The following TJP1 variants were observed in gnomAD, a reference collection of about 807,000 sequenced individuals.
TJP1 encodes tight junction protein 1, also known as tight junction protein ZO-1.
In TJP1, 43 loss-of-function variants were observed where a neutral mutation model predicts 194.2. The observed-to-expected ratio is 0.22, with a 90% CI of 0.17 to 0.29. The LOEUF (loss-of-function observed/expected upper bound fraction) is 0.29. Ranked by LOEUF, TJP1 falls within the 10% of genes least tolerant of loss-of-function variation. TJP1 has a pLI of 1.00. For synonymous variants in TJP1, 801 were observed against 779.0 expected, an observed-to-expected ratio of 1.03 and a Z score of -0.47; for missense variants, 1,971 against 2,185.7, an observed-to-expected ratio of 0.90 and a Z score of 1.96.
intron 2 of TJP1, among the ~76,000 whole-genome samples, chr15:29,868,149 A>T (rs1446351629): frequency 6.6e-6 from 1 of 151,912 alleles, no homozygotes; most frequent in African/African-American, 2.4e-5. Flanking sequence ...GTTTGAGCCT[A>T]TAAGTTCAAA....
In TJP1 at chr15:29,726,819, G is replaced by A; in HGVS notation, c.2273C>T (p.Ser758Phe). Reference sequence around the variant, plus strand: ...GTGATTATTTTTACGAAGTTTATGAGATCGCTCGTATAACTTCCTGGCACT... The same window carrying A: ...GTGATTATTTTTACGAAGTTTATGAAATCGCTCGTATAACTTCCTGGCACT... Reference protein sequence around the residue: ...RKSARKLYERSHKLRKNNHHL... With the variant: ...RKSARKLYERFHKLRKNNHHL... The change falls in exon 17 of 28, where the codon TCT becomes TTT. Residue 758 changes from serine to phenylalanine, a missense_variant. Coordinates refer to ENST00000614355, the MANE Select transcript of TJP1 (RefSeq NM_001330239.4). 1.2e-6 allele frequency: 2 copies of A among 1,614,064 alleles called. No homozygotes were observed. The highest frequency in any genetic ancestry group is 1.7e-6 in the Non-Finnish European group (2 of 1,180,018).
At chr15:29,908,671 A>AC (rs146901716) in intron 2 of TJP1, among the ~76,000 whole-genome samples, 16,490 of 152,214 alleles carry the variant, frequency 0.11, 1,154 homozygotes, top group East Asian at 0.28. Flanking sequence ...CTTTGATACG[A>AC]CCTGAGATGT....
chr15:29,717,062 A>G (rs1379229293), intron 22 of TJP1, among the ~76,000 whole-genome samples: 2 of 152,218 alleles, frequency 1.3e-5, no homozygotes, highest in African/African-American at 4.8e-5. Flanking sequence ...GTCCTTTAAC[A>G]CAATATAATA....
At chr15:29,846,893 T>G (rs181760703) in intron 2 of TJP1, among the ~76,000 whole-genome samples, 1 of 151,484 alleles carries the variant, frequency 6.6e-6, no homozygotes, top group Non-Finnish European at 1.5e-5. Flanking sequence ...GCCACTGCAC[T>G]CCAGCCTGGG....
chr15:29,701,749 T>G, intron 27 of TJP1, 60 bp from the exon 28 acceptor site: 2 of 1,282,626 alleles, frequency 1.6e-6, no homozygotes, highest in South Asian at 2.4e-5. Context: ...CCGTAATGCT[T>G]TGCAATTATA....
At chr15:29,894,515 G>A (rs1007415609) in intron 2 of TJP1, among the ~76,000 whole-genome samples, 27 of 152,306 alleles carry the variant, frequency 1.8e-4, no homozygotes, top group Admixed American at 1.4e-3. Context: ...ATGAACATAG[G>A]TGTCTTGGCC....
rs1380223467 is a variant in TJP1, at chr15:29,700,562, C to T, written c.*1033G>A. The T allele has an allele frequency of 1.3e-5, 5 of 397,670 alleles. No individual in the cohort carries two copies. The highest frequency in any genetic ancestry group is 3.6e-5 in the East Asian group (1 of 28,014). The allele number at this position is 397,670 out of a possible 1,614,324, so 24.6% of individuals were successfully genotyped here. A position where few individuals can be genotyped will look rare whatever the true frequency, so the allele number is the denominator to read the frequency against. On this transcript the variant is annotated 3_prime_UTR_variant, in exon 28 of 28. Transcript: ENST00000614355. Reference sequence around the variant, plus strand: ...AGAATACAAAGGTAGCCTTTAGAAACGTGGTCTTGTTTATGTATAAAAAAG... The same window carrying T: ...AGAATACAAAGGTAGCCTTTAGAAATGTGGTCTTGTTTATGTATAAAAAAG...
intron 2 of TJP1, among the ~76,000 whole-genome samples, chr15:29,799,882 A>G (rs1255072920): frequency 1.3e-5 from 2 of 152,252 alleles, no homozygotes; most frequent in African/African-American, 2.4e-5. Context: ...GTGCAAGGCC[A>G]GTATTTAAAT....
At chr15:29,704,067 A>AT in intron 27 of TJP1, 95 bp downstream of exon 27, 1 of 1,342,384 alleles carries the variant, frequency 7.4e-7, no homozygotes, top group Non-Finnish European at 1.0e-6. Context: ...AGAGATAGAG[A>AT]TTTGCTAACA....
chr15:29,773,385 G>A (rs770958854), intron 2 of TJP1, 28 bp from the exon 3 acceptor site: 129 of 1,607,266 alleles, frequency 8.0e-5, no homozygotes, highest in Non-Finnish European at 1.1e-4. Flanking sequence ...GTAAAATATT[G>A]CTATTAAGGA....
chr15:29,719,045 T>C lies in TJP1; in HGVS notation c.3097A>G (p.Lys1033Glu), dbSNP rs1175602370. Residue 1033 changes from lysine to glutamate, a missense_variant, in exon 21 of 28, where the codon AAA becomes GAA. By Grantham distance (56) the Lys-to-Glu change is moderately conservative. Transcript: ENST00000614355. ...GGTTCATAGGTCAGATTAGGCTCTTTGTCTGGCCTGTGCCCTGGGTGACTA... is the reference window on the plus strand; with the variant it reads ...GGTTCATAGGTCAGATTAGGCTCTTCGTCTGGCCTGTGCCCTGGGTGACTA... ...AVSHPGHRPD[K>E]EPNLTYEPQL... The C allele has an allele frequency of 4.3e-6, 7 of 1,614,114 alleles. No homozygotes were observed. In the East Asian group the frequency reaches 1.6e-4, roughly 36 times the overall value.
At chr15:29,777,385 T>C (rs920487843) in intron 2 of TJP1, among the ~76,000 whole-genome samples, 3 of 152,112 alleles carry the variant, frequency 2.0e-5, no homozygotes, top group Admixed American at 6.6e-5. Flanking sequence ...AAAAAGAGTT[T>C]TGCCCTTGAA....
In TJP1 at chr15:29,818,974, T is replaced by C. The variant is rs142367390; in HGVS notation, c.27+3028A>G. On this transcript the variant is annotated intron_variant, in intron 1 of 27. Coordinates refer to ENST00000614355, the MANE Select transcript of TJP1 (RefSeq NM_001330239.4). The stretch of plus-strand genomic sequence containing the variant: ...CTGGGATTATAGGCACGCGCCACCA[T>C]GCCCGGCTAATTTTTGTATTTTTAG... Among the ~76,000 whole-genome samples, 725 of 151,728 alleles carry C rather than the reference T, an allele frequency of 4.8e-3. 28 individuals carry two copies. The East Asian group carries it at 0.096, about 20-fold the overall frequency.
chr15:29,794,751 T>C (rs1595916206), intron 2 of TJP1, among the ~76,000 whole-genome samples: 1 of 152,316 alleles, frequency 6.6e-6, no homozygotes, highest in African/African-American at 2.4e-5. Flanking sequence ...AAGGAAAAGA[T>C]GTAATGTGGT....
In TJP1 at chr15:29,766,502, C is replaced by A. The variant is rs148793257; in HGVS notation, c.353G>T (p.Arg118Leu). 2.6e-4 allele frequency: 422 copies of A among 1,596,696 alleles called. 10 individuals carry two copies. The South Asian group carries it at 3.3e-3, about 12-fold the overall frequency. Reference protein sequence around the residue: ...RKKKVQIPVSRPDPEPVSDNE... With the variant: ...RKKKVQIPVSLPDPEPVSDNE... The stretch of plus-strand genomic sequence containing the variant: ...ATCAGATACTGGTTCAGGATCAGGA[C>A]GACTTACTGGTATTTGAACTTTCTT... Residue 118 changes from arginine (R) to leucine (L), a missense_variant, in exon 5 of 28, where the codon CGT (arginine) becomes CTT (leucine). By Grantham distance (102) the Arg-to-Leu change is moderately radical. This residue lies in a region of TJP1 where 245 missense variants were observed against 336.6 expected (regional missense o/e 0.73). Coordinates refer to ENST00000614355, the MANE Select transcript of TJP1 (RefSeq NM_001330239.4).
In TJP1 at chr15:29,700,699, G is replaced by C; in HGVS notation, c.*896C>G. ...TTCAAATGCATAGCCAGAAAGAACA[G>C]AAAACCACCACTGCCCCTTGTCAAA... On this transcript the variant is annotated 3_prime_UTR_variant, in exon 28 of 28. Coordinates refer to ENST00000614355, the MANE Select transcript of TJP1 (RefSeq NM_001330239.4). 1.9e-4 allele frequency: 32 copies of C among 168,928 alleles called. No individual in the cohort carries two copies. Among genetic ancestry groups the C allele is most frequent in the East Asian group, 4.5e-4 (5 of 11,088 alleles). 10.5% of individuals were successfully genotyped at this position (168,928 alleles called of 1,614,324 possible).
At chr15:29,920,146 G>A (rs1409988477) in intron 2 of TJP1, among the ~76,000 whole-genome samples, 1 of 152,220 alleles carries the variant, frequency 6.6e-6, no homozygotes, top group Non-Finnish European at 1.5e-5. Flanking sequence ...GGGTCACAGA[G>A]CCTGTTAGTT....
At chr15:29,793,592 C>T (rs975123057) in intron 2 of TJP1, among the ~76,000 whole-genome samples, 5 of 152,148 alleles carry the variant, frequency 3.3e-5, no homozygotes, top group African/African-American at 1.2e-4. Flanking sequence ...CAGGGGAACA[C>T]ACATGGCCAG....
chr15:29,739,724 C>A (rs1347787602), intron 10 of TJP1, among the ~76,000 whole-genome samples: 2 of 152,098 alleles, frequency 1.3e-5, no homozygotes, highest in Non-Finnish European at 2.9e-5. Context: ...GGATTACAGG[C>A]ATGAGCCACT....
Sources: gnomAD v4.1 joint callset for allele counts (sites outside exome capture counted in the v4.1 genomes callset) on GRCh38, gnomAD v4.1.1 for gene constraint, gnomAD v4.1.1 regional missense constraint, MANE v1.5 for transcripts, NCBI Gene and HGNC (gene_info 2026-07-23, HGNC 2026-07-21) for gene names.